CNTNAP2: variants seen among roughly 807,000 people sequenced by gnomAD.
CNTNAP2 encodes the protein contactin associated protein 2, also known as contactin-associated protein-like 2.
A neutral mutation model predicts 155.2 loss-of-function variants in CNTNAP2; 98 were observed. The ratio of observed to expected loss-of-function variants is 0.63; its 90% CI spans 0.54 to 0.75. CNTNAP2 has a LOEUF of 0.75. Among genes scored for constraint, CNTNAP2 ranks in the 30% least tolerant of loss-of-function variants. The pLI is 0.00. For synonymous variants in CNTNAP2, 651 were observed against 631.2 expected (o/e 1.03, Z -0.47); for missense variants, 1,727 against 1,688.1 (o/e 1.02, Z -0.40).
rs1795289103 is a variant in CNTNAP2 at position 146,870,752 on chromosome 7, G to A, written c.402+30848G>A. On this transcript the variant is annotated intron_variant, in intron 3 of 23. Transcript: ENST00000361727. ...CAGTATTTTTGAGGTTGTGTCAATA[G>A]AGTCATGATTAATAACAAGCATAAT... 2.0e-5 allele frequency among the ~76,000 whole-genome samples: 3 copies of A among 152,024 alleles called. No individual in the cohort carries two copies. In the South Asian group the frequency reaches 6.2e-4, roughly 32 times the overall value.
rs114619784 is a variant in CNTNAP2 at position 146,469,002 on chromosome 7, T to A, written c.98-305269T>A. Among the ~76,000 whole-genome samples, 720 of 152,256 alleles carry A rather than the reference T, an allele frequency of 4.7e-3. 7 individuals are homozygous for A. Among genetic ancestry groups the A allele is most frequent in the African/African-American group, 0.016 (672 of 41,540 alleles). ...AACACTTGTTTTCTCTGATGTCAAG[T>A]AAAAGAAATGATCAGATTCTAAAGG... On this transcript the variant is annotated intron_variant, in intron 1 of 23. Transcript: ENST00000361727.
At chr7:147,730,213 G>A (rs920134227) in intron 13 of CNTNAP2, among the ~76,000 whole-genome samples, 3 of 152,014 alleles carry the variant, frequency 2.0e-5, no homozygotes, top group Admixed American at 6.6e-5. Context: ...GAACAATTAC[G>A]GTCCTTTCAG....
chr7:146,800,398 T>C (rs956251560), intron 2 of CNTNAP2, among the ~76,000 whole-genome samples: 3 of 152,250 alleles, frequency 2.0e-5, no homozygotes, highest in African/African-American at 7.2e-5. Context: ...GCTCTGACCC[T>C]AGCCTTGTCA....
chr7:147,827,290 A>G (rs1161381127), intron 13 of CNTNAP2, among the ~76,000 whole-genome samples: 3 of 152,098 alleles, frequency 2.0e-5, no homozygotes, highest in Non-Finnish European at 4.4e-5. Flanking sequence ...AGTCAACCTG[A>G]CTTCCCTCTG....
intron 15 of CNTNAP2, among the ~76,000 whole-genome samples, chr7:148,052,301 T>C (rs1802907880): frequency 6.8e-6 from 1 of 147,906 alleles, no homozygotes; most frequent in Admixed American, 6.7e-5. Flanking sequence ...AAAATCATAA[T>C]ATGTTTTTAA....
chr7:147,933,930 A>G (rs1261882529), intron 14 of CNTNAP2, among the ~76,000 whole-genome samples: 2 of 152,158 alleles, frequency 1.3e-5, no homozygotes, highest in African/African-American at 4.8e-5. Flanking sequence ...GAATCTTGAG[A>G]ACATTATGCT....
intron 1 of CNTNAP2, among the ~76,000 whole-genome samples, chr7:146,166,560 G>T (rs1369788977): frequency 6.6e-6 from 1 of 152,106 alleles, no homozygotes; most frequent in Non-Finnish European, 1.5e-5. Flanking sequence ...TAATGCAAAT[G>T]AAATACACTT....
rs530059298 is a variant in CNTNAP2 at position 146,641,479 on chromosome 7, C to A, written c.98-132792C>A. ...GTAGGCCATATTTTATAAGAAGTAG[C>A]TGGACAGTTAATTCTGTTTCAGTTC... On this transcript the variant is annotated intron_variant, in intron 1 of 23. Coordinates refer to ENST00000361727, the MANE Select transcript of CNTNAP2 (RefSeq NM_014141.6). 2.6e-5 allele frequency among the ~76,000 whole-genome samples: 4 copies of A among 152,280 alleles called. No homozygotes were observed. The South Asian group carries it at 8.3e-4, about 32-fold the overall frequency.
chr7:147,810,636 T>TA (rs1798164210), intron 13 of CNTNAP2, among the ~76,000 whole-genome samples: 1 of 152,220 alleles, frequency 6.6e-6, no homozygotes, highest in Non-Finnish European at 1.5e-5. Flanking sequence ...GTTGGCTTTC[T>TA]AAAAAAGCAG....
chr7:146,956,738 C>G (rs1797446128), intron 3 of CNTNAP2, among the ~76,000 whole-genome samples: 1 of 152,088 alleles, frequency 6.6e-6, no homozygotes, highest in Non-Finnish European at 1.5e-5. Flanking sequence ...TTGTAAGCGA[C>G]TAAATGGCTG....
At chr7:147,539,206 C>A (rs1371929459) in intron 11 of CNTNAP2, among the ~76,000 whole-genome samples, 1 of 152,022 alleles carries the variant, frequency 6.6e-6, no homozygotes, top group Non-Finnish European at 1.5e-5. Flanking sequence ...TCTTTCATTT[C>A]CAGAGTAATG....
chr7:147,581,588 C>A (rs891654465), intron 12 of CNTNAP2, among the ~76,000 whole-genome samples: 1 of 152,162 alleles, frequency 6.6e-6, no homozygotes, highest in Non-Finnish European at 1.5e-5. Context: ...CCCATAAAGG[C>A]AGGTTCCAGT....
At chr7:147,287,939 T>C (rs2116740112) in intron 8 of CNTNAP2, among the ~76,000 whole-genome samples, 1 of 152,246 alleles carries the variant, frequency 6.6e-6, no homozygotes, top group East Asian at 1.9e-4. Context: ...GGTAAGAGCA[T>C]CCTAATAGAT....
At chr7:146,170,386 A>C (rs1340532991) in intron 1 of CNTNAP2, among the ~76,000 whole-genome samples, 1 of 152,096 alleles carries the variant, frequency 6.6e-6, no homozygotes, top group Non-Finnish European at 1.5e-5. Flanking sequence ...GTACCAACTT[A>C]CATTCCAACC....
At position 147,480,124 on chromosome 7, in the gene CNTNAP2, A is replaced by G. The variant is rs576253697; in HGVS notation, c.1671-5811A>G. Among the ~76,000 whole-genome samples, 13 of 152,320 alleles carry G rather than the reference A, an allele frequency of 8.5e-5. No homozygotes were observed. The East Asian group carries it at 2.5e-3, about 29-fold the overall frequency. On this transcript the variant is annotated intron_variant, in intron 10 of 23. Transcript: ENST00000361727. ...GGAAACAGCTCTGAGAGTCACGAGT[A>G]TGAAAAACAGTATTCAAGGAAGCAA...
chr7:146,237,943 T>A (rs1799500470), intron 1 of CNTNAP2, among the ~76,000 whole-genome samples: 1 of 152,232 alleles, frequency 6.6e-6, no homozygotes. Context: ...AAATAGTTGT[T>A]CTACATTGTA....
chr7:148,257,983 C>G (rs1198064165), intron 20 of CNTNAP2, among the ~76,000 whole-genome samples: 1 of 152,192 alleles, frequency 6.6e-6, no homozygotes, highest in Non-Finnish European at 1.5e-5. Flanking sequence ...ACGAACATGG[C>G]TCAGCCAGTG....
intron 1 of CNTNAP2, among the ~76,000 whole-genome samples, chr7:146,684,210 G>A (rs1230350079): frequency 6.6e-6 from 1 of 152,124 alleles, no homozygotes; most frequent in Non-Finnish European, 1.5e-5. Flanking sequence ...AAGTGGAGAT[G>A]TTGGCTACCA....
chr7:146,833,983 A>T (rs1023843640), intron 2 of CNTNAP2, among the ~76,000 whole-genome samples: 4 of 152,186 alleles, frequency 2.6e-5, no homozygotes, highest in Non-Finnish European at 1.5e-5. Context: ...GCCTGAACTC[A>T]TAATGCAATT....
Sources: gnomAD v4.1 joint callset for allele counts (sites outside exome capture counted in the v4.1 genomes callset) on GRCh38, gnomAD v4.1.1 for gene constraint, MANE v1.5 for transcripts, NCBI Gene and HGNC (gene_info 2026-07-23, HGNC 2026-07-21) for gene names.